The following CACNA1A variants were observed in gnomAD, a reference collection of about 807,000 sequenced individuals.
CACNA1A encodes the protein voltage-dependent P/Q-type calcium channel subunit alpha-1A.
CACNA1A carries 57 observed loss-of-function variants against 262.4 expected under a neutral mutation model. That is an observed-to-expected ratio of 0.22 (90% CI 0.18 to 0.27). The LOEUF is 0.27. Ranked by LOEUF, CACNA1A falls within the 10% of genes least tolerant of loss-of-function variation. The pLI is 1.00. For missense variants in CACNA1A, 2,526 were observed against 3,562.8 expected, an observed-to-expected ratio of 0.71 and a Z score of 7.41; for synonymous variants, 1,431 against 1,419.3, an observed-to-expected ratio of 1.01 and a Z score of -0.18.
intron 8 of CACNA1A, among the ~76,000 whole-genome samples, chr19:13,333,347 G>T (rs1286047952): frequency 6.6e-6 from 1 of 152,000 alleles, no homozygotes; most frequent in Non-Finnish European, 1.5e-5. Context: ...CATCCCCACA[G>T]CTTCCTTCTT....
At chr19:13,259,819 TGGGAAGCAGTGACTC>T in intron 26 of CACNA1A, 118 bp from the exon 27 acceptor site, 1 of 1,050,680 alleles carries the variant, frequency 9.5e-7, no homozygotes, top group Non-Finnish European at 1.4e-6. Flanking sequence ...CTAGACTGCT[TGGGAAGCAGTGACTC>T]CCCATCCTGC....
At chr19:13,209,597 G>A in intron 44 of CACNA1A, 99 bp from the exon 45 acceptor site, 1 of 908,174 alleles carries the variant, frequency 1.1e-6, no homozygotes, top group East Asian at 3.3e-5. Context: ...GTGGCCTTCG[G>A]TGACTGCGGT....
intron 5 of CACNA1A, chr19:13,363,143 C>G (rs2059140332): frequency 6.6e-6 from 1 of 152,198 alleles, no homozygotes; most frequent in Admixed American, 6.6e-5. Flanking sequence ...CCACCCACAT[C>G]TGTCCCCTCA....
chr19:13,422,537 G>A (rs1315092702), intron 3 of CACNA1A, among the ~76,000 whole-genome samples: 2 of 152,216 alleles, frequency 1.3e-5, no homozygotes, highest in Non-Finnish European at 2.9e-5. Context: ...CCAAAGGAAG[G>A]ACTGGCCCTT....
chr19:13,262,073 T>C (rs1241251107), intron 25 of CACNA1A: 1 of 161,424 alleles, frequency 6.2e-6, no homozygotes, highest in Non-Finnish European at 1.4e-5. Context: ...ATCTGTTTTC[T>C]GTCTTTAATT....
At chr19:13,248,968 GCTT>G (rs1344943772) in intron 30 of CACNA1A, among the ~76,000 whole-genome samples, 1 of 152,072 alleles carries the variant, frequency 6.6e-6, no homozygotes, top group African/African-American at 2.4e-5. Context: ...TTCCCTAAGT[GCTT>G]CTTTTTTGAT....
At chr19:13,502,605 G>A (rs902707214) in intron 1 of CACNA1A, among the ~76,000 whole-genome samples, 2 of 152,196 alleles carry the variant, frequency 1.3e-5, no homozygotes, top group African/African-American at 4.8e-5. Flanking sequence ...AAGGTGTGTG[G>A]TCAAGACGGC....
rs551143584 is a variant in CACNA1A at position 13,475,454 on chromosome 19, C to T, written c.294-20242G>A. 8.5e-4 allele frequency among the ~76,000 whole-genome samples: 130 copies of T among 152,282 alleles called. 1 individual carries two copies. Among genetic ancestry groups the T allele is most frequent in the African/African-American group, 2.5e-3 (104 of 41,556 alleles). On this transcript the variant is annotated intron_variant, in intron 1 of 46. Coordinates refer to ENST00000360228, the MANE Select transcript of CACNA1A (RefSeq NM_001127222.2). ...CATGCTCACCCTTAAGGCTTCTGTCCGGAAGGACTCACGTCACTTCCCCTC... is the reference window on the plus strand; with the variant it reads ...CATGCTCACCCTTAAGGCTTCTGTCTGGAAGGACTCACGTCACTTCCCCTC...
At position 13,207,852 on chromosome 19, in the gene CACNA1A, C is replaced by T; in HGVS notation, c.6982G>A (p.Ala2328Thr). The T allele has an allele frequency of 1.4e-6, 2 of 1,456,732 alleles. No individual in the cohort carries two copies. The highest frequency in any genetic ancestry group is 9.0e-7 in the Non-Finnish European group (1 of 1,113,886). The allele number at this position is 1,456,732 out of a possible 1,614,324, so 90.2% of individuals were successfully genotyped here. ...CTGGTGGCCGCCCGGCCCGGCCTGG[C>T]CACCGCCTGCTGCTGCTGCTGCTGC... ...QQQQQQQQAV[A>T]RPGRAATSGP... Residue 2328 changes from alanine (A) to threonine (T), a missense_variant, in exon 47 of 47, where the codon GCC becomes ACC. Around this residue, in one of 17 missense-constraint regions of CACNA1A, gnomAD observed 929 missense variants for 868.1 expected, o/e 1.07. Transcript: ENST00000360228. This position sits in a 1 kb window ranked among gnomAD's most constrained non-coding sequence, Gnocchi z 5.7.
Position 13,214,847 on chromosome 19 carries a change from C to T in CACNA1A, c.5732-239G>A, listed in dbSNP as rs966899663. 2.1e-5 allele frequency: 11 copies of T among 516,700 alleles called. No homozygotes were observed. Among genetic ancestry groups the T allele is most frequent in the East Asian group, 6.1e-5 (2 of 32,818 alleles). The allele number at this position is 516,700 out of a possible 1,614,324, so 32.0% of individuals were successfully genotyped here. ...TGGAGCAGCTGTGCAGGAGACAGCC[C>T]GGCATGGAGAACAGCTGGGCGACCT... On this transcript the variant is annotated intron_variant, in intron 38 of 46. Coordinates refer to ENST00000360228, the MANE Select transcript of CACNA1A (RefSeq NM_001127222.2). The surrounding 1 kb of genome is among the most constrained non-coding windows in gnomAD (Gnocchi z 4.1).
At chr19:13,209,270 T>G in intron 45 of CACNA1A, 42 bp downstream of exon 45, 1 of 1,437,198 alleles carries the variant, frequency 7.0e-7, no homozygotes, top group Non-Finnish European at 9.1e-7. Context: ...CCCTCTCCTC[T>G]CCTCTGTTCT....
At chr19:13,429,169 C>T (rs1206422879) in intron 3 of CACNA1A, among the ~76,000 whole-genome samples, 6 of 11,144 alleles carry the variant, frequency 5.4e-4, no homozygotes, top group Middle Eastern at 0.045. Context: ...ACTGTGCGTA[C>T]ACACACACAC....
At chr19:13,245,037 G>T in intron 31 of CACNA1A, 145 bp downstream of exon 31, 1 of 691,626 alleles carries the variant, frequency 1.4e-6, no homozygotes, top group Non-Finnish European at 2.5e-6. Context: ...CGGGGCCCCA[G>T]TTCTCCCTCT....
intron 3 of CACNA1A, among the ~76,000 whole-genome samples, chr19:13,380,082 G>A (rs1047825534): frequency 2.2e-5 from 3 of 134,096 alleles, no homozygotes; most frequent in South Asian, 2.5e-4. Flanking sequence ...TCAGGAGTTC[G>A]AGACCAGCCT....
At chr19:13,417,257 C>T (rs2060239771) in intron 3 of CACNA1A, among the ~76,000 whole-genome samples, 1 of 152,190 alleles carries the variant, frequency 6.6e-6, no homozygotes, top group African/African-American at 2.4e-5. Context: ...GCTGTGTTAA[C>T]TGTGCAACTC....
rs1384685802 is a variant in CACNA1A, at chr19:13,298,446, AT to A, written c.3089+97del. The stretch of plus-strand genomic sequence containing the variant: ...GCCTGGCCAAATACAGCATTTTATA[AT>A]ATATTTTTATAAACAAATACACAGC... On this transcript the variant is annotated intron_variant, in intron 19 of 46. Coordinates refer to ENST00000360228, the MANE Select transcript of CACNA1A (RefSeq NM_001127222.2). 1.0e-4 allele frequency: 118 copies of A among 1,176,650 alleles called. 1 individual carries two copies. Among genetic ancestry groups the A allele is most frequent in the Middle Eastern group, 8.7e-4 (4 of 4,604 alleles). The allele number at this position is 1,176,650 out of a possible 1,614,324, so 72.9% of individuals were successfully genotyped here. A position where few individuals can be genotyped will look rare whatever the true frequency, so the allele number is the denominator to read the frequency against.
At chr19:13,401,705 A>T (rs1212800293) in intron 3 of CACNA1A, among the ~76,000 whole-genome samples, 1 of 152,158 alleles carries the variant, frequency 6.6e-6, no homozygotes, top group Non-Finnish European at 1.5e-5. Flanking sequence ...GTAGGCTCTT[A>T]GAACAACCTT....
rs561155164 is a variant in CACNA1A, at chr19:13,268,724, G to A, written c.3990-5891C>T. On this transcript the variant is annotated intron_variant, in intron 24 of 46. Transcript: ENST00000360228. ...GCTAGGATTACAGGTGTGAGCCACC[G>A]CGCCCGGCTGTGATATTTTTTAAAA... Among the ~76,000 whole-genome samples the A allele has an allele frequency of 5.9e-4, 90 of 152,102 alleles. 1 individual carries two copies. The highest frequency in any genetic ancestry group is 2.0e-3 in the African/African-American group (81 of 41,474).
intron 3 of CACNA1A, among the ~76,000 whole-genome samples, chr19:13,400,818 G>C (rs1440602813): frequency 6.6e-6 from 1 of 152,090 alleles, no homozygotes; most frequent in Non-Finnish European, 1.5e-5. Flanking sequence ...CTCTGACCTA[G>C]AACCCAGGGG....
Sources: allele counts gnomAD v4.1 joint callset (sites outside exome capture counted in the v4.1 genomes callset), GRCh38; gene constraint gnomAD v4.1.1; regional missense constraint gnomAD v4.1.1; non-coding constraint Gnocchi (gnomAD v3.1); transcripts MANE v1.5; gene names NCBI Gene and HGNC (gene_info 2026-07-23, HGNC 2026-07-21).